Variants in RFWD3 observed in about 807,000 individuals in gnomAD.
The protein encoded by RFWD3 is ring finger and WD repeat domain 3.
A neutral mutation model predicts 87.7 loss-of-function variants in RFWD3; 65 were observed. The ratio of observed to expected loss-of-function variants is 0.74; its 90% CI spans 0.61 to 0.91. The LOEUF (loss-of-function observed/expected upper bound fraction) is 0.91. Among genes scored for constraint, RFWD3 ranks in the 40% least tolerant of loss-of-function variants. RFWD3 has a pLI of 0.00. For synonymous variants in RFWD3, 433 were observed against 352.8 expected, an observed-to-expected ratio of 1.23 and a Z score of -2.55; for missense variants, 1,078 against 938.5, an observed-to-expected ratio of 1.15 and a Z score of -1.94.
At chr16:74,661,543 G>C in intron 1 of RFWD3, 92 bp from the exon 2 acceptor site, 1 of 1,169,402 alleles carries the variant, frequency 8.6e-7, no homozygotes, top group South Asian at 1.5e-5. Context: ...CTGATTTTAT[G>C]TTTAATATCA....
In RFWD3 at chr16:74,639,941, TTACTA is replaced by T. The variant is rs138875235; in HGVS notation, c.1080-1976_1080-1972del. On this transcript the variant is annotated intron_variant, in intron 6 of 12. Transcript: ENST00000361070. ...GAGATGGAGACCACACTCACATAAC[TTACTA>T]TAGTATACTGGTATAATTGCTCTAT... 8.8e-3 allele frequency among the ~76,000 whole-genome samples: 1,336 copies of T among 152,260 alleles called. 7 individuals carry two copies. Among genetic ancestry groups the T allele is most frequent in the Middle Eastern group, 0.017 (5 of 294 alleles).
At chr16:74,652,143 C>T (rs372631663) in intron 2 of RFWD3, 21 bp from the exon 3 acceptor site, 17 of 1,602,818 alleles carry the variant, frequency 1.1e-5, no homozygotes, top group African/African-American at 5.4e-5. Flanking sequence ...AGAAAGACAA[C>T]GGAATTATAG....
In RFWD3 at chr16:74,636,396, A is replaced by C; in HGVS notation, c.1376T>G (p.Leu459Arg). ...AGGCTGTGATATCACCAGGCAGCTC[A>C]GAGCATCACAGTATGCCATGATCCG... Reference protein sequence around the residue: ...NCRIMAYCDALSCLVISQPSP... With the variant: ...NCRIMAYCDARSCLVISQPSP... The change falls in exon 8 of 13, where the codon CTG becomes CGG. Residue 459 changes from leucine (L) to arginine (R), a missense_variant. Physicochemically the swap from Leu to Arg is moderately radical, Grantham distance 102 (BLOSUM62 -2). Coordinates refer to ENST00000361070, the MANE Select transcript of RFWD3 (RefSeq NM_018124.4). The C allele has an allele frequency of 1.2e-6, 2 of 1,614,230 alleles. No homozygotes were observed. Among genetic ancestry groups the C allele is most frequent in the Non-Finnish European group, 1.7e-6 (2 of 1,180,038 alleles).
chr16:74,623,768 G>T lies in RFWD3; in HGVS notation c.*160C>A. 1 of 663,852 alleles carries T rather than the reference G, an allele frequency of 1.5e-6. No individual in the cohort carries two copies. 41.1% of individuals were successfully genotyped at this position (663,852 alleles called of 1,614,324 possible). On this transcript the variant is annotated 3_prime_UTR_variant, in exon 13 of 13. Coordinates refer to ENST00000361070, the MANE Select transcript of RFWD3 (RefSeq NM_018124.4). ...ACATAACAGATACACAATCTGTAGT[G>T]TCTCAGTGACCTAGGGTCCTAGAAT...
chr16:74,623,868 G>C lies in RFWD3; in HGVS notation c.*60C>G. On this transcript the variant is annotated 3_prime_UTR_variant, in exon 13 of 13. Coordinates refer to ENST00000361070, the MANE Select transcript of RFWD3 (RefSeq NM_018124.4). The stretch of plus-strand genomic sequence containing the variant: ...ATAAACAGGGATCTTGCTTGGGGCT[G>C]CTAGGCGCTAGCAAACAACATCTAA... 6.4e-7 allele frequency: 1 copy of C among 1,574,208 alleles called. No individual in the cohort carries two copies. Among genetic ancestry groups the C allele is most frequent in the Non-Finnish European group, 8.7e-7 (1 of 1,149,442 alleles).
chr16:74,630,715 C>A, intron 10 of RFWD3, 66 bp downstream of exon 10: 1 of 1,411,610 alleles, frequency 7.1e-7, no homozygotes, highest in Non-Finnish European at 9.5e-7. Context: ...ACTGAAGAGA[C>A]GATTAACACA....
chr16:74,627,110 T>C (rs1033012420), intron 11 of RFWD3, among the ~76,000 whole-genome samples: 10 of 152,162 alleles, frequency 6.6e-5, no homozygotes, highest in African/African-American at 1.7e-4. Flanking sequence ...TGTGGGATGA[T>C]GAAGAGCCAA....
chr16:74,656,525 C>A (rs1010680256), intron 2 of RFWD3, among the ~76,000 whole-genome samples: 4 of 151,816 alleles, frequency 2.6e-5, no homozygotes, highest in African/African-American at 9.7e-5. Context: ...CTCTGTCACC[C>A]AGGCTGGAGT....
At chr16:74,658,010 T>C (rs920203189) in intron 2 of RFWD3, among the ~76,000 whole-genome samples, 2 of 152,218 alleles carry the variant, frequency 1.3e-5, no homozygotes, top group African/African-American at 4.8e-5. Context: ...ATATTGCTTT[T>C]ATGTAGCAAA....
chr16:74,646,278 AG>A (rs765096630), intron 4 of RFWD3, among the ~76,000 whole-genome samples: 49 of 152,302 alleles, frequency 3.2e-4, no homozygotes, highest in Non-Finnish European at 6.3e-4. Flanking sequence ...CAGGAGGCTG[AG>A]GTAGAAGCAT....
intron 8 of RFWD3, among the ~76,000 whole-genome samples, chr16:74,635,919 T>A (rs1231157261): frequency 1.3e-5 from 2 of 152,244 alleles, no homozygotes; most frequent in African/African-American, 4.8e-5. Context: ...ATCAATTTAC[T>A]CCCTAAATTC....
At chr16:74,628,355 G>T in intron 11 of RFWD3, 97 bp downstream of exon 11, 3 of 1,156,220 alleles carry the variant, frequency 2.6e-6, no homozygotes, top group Non-Finnish European at 3.8e-6. Flanking sequence ...CCTGTGAGCG[G>T]TACCACAGCC....
intron 4 of RFWD3, among the ~76,000 whole-genome samples, chr16:74,647,500 C>T (rs1008006450): frequency 8.5e-5 from 13 of 152,270 alleles, no homozygotes; most frequent in Admixed American, 7.2e-4. Flanking sequence ...GTTGGCCAGG[C>T]TGGTCTCAAA....
intron 6 of RFWD3, among the ~76,000 whole-genome samples, chr16:74,642,248 G>A (rs560356347): frequency 2.6e-5 from 4 of 151,492 alleles, no homozygotes; most frequent in East Asian, 2.0e-4. Context: ...TCAGCCTCCC[G>A]AGTTGCTGGC....
intron 4 of RFWD3, among the ~76,000 whole-genome samples, chr16:74,647,802 G>A (rs1960270625): frequency 6.6e-6 from 1 of 152,178 alleles, no homozygotes; most frequent in African/African-American, 2.4e-5. Flanking sequence ...ATGTTGGCCA[G>A]GCTGGTCTTG....
In RFWD3 at chr16:74,644,663, T is replaced by C. The variant is rs376703465; in HGVS notation, c.865A>G (p.Ile289Val). The C allele has an allele frequency of 1.1e-5, 18 of 1,614,116 alleles. No individual in the cohort carries two copies. The highest frequency in any genetic ancestry group is 1.5e-5 in the Non-Finnish European group (18 of 1,180,050). The change falls in exon 5 of 13, where the codon ATA becomes GTA. Residue 289 changes from isoleucine (I) to valine (V), a missense_variant. Transcript: ENST00000361070. ...MDEEEGDTCT[I>V]CLEQWTNAGD... ...GCATTGGTCCACTGTTCCAGACATA[T>C]TGTACAAGTGTCCCCTTCTTCCTCA...
intron 11 of RFWD3, among the ~76,000 whole-genome samples, chr16:74,627,833 C>T (rs1005358595): frequency 6.6e-6 from 1 of 152,182 alleles, no homozygotes; most frequent in Admixed American, 6.5e-5. Context: ...GAGTTTATAG[C>T]CACTCTCCTG....
At chr16:74,657,271 A>G (rs944400675) in intron 2 of RFWD3, among the ~76,000 whole-genome samples, 1 of 152,222 alleles carries the variant, frequency 6.6e-6, no homozygotes, top group Non-Finnish European at 1.5e-5. Context: ...GGTGACAAGA[A>G]TAAGGAATGC....
Position 74,626,525 on chromosome 16 carries a change from G to C in RFWD3, c.1999C>G (p.Leu667Val), listed in dbSNP as rs764903046. 4 of 1,613,916 alleles carry C rather than the reference G, an allele frequency of 2.5e-6. No individual in the cohort carries two copies. The highest frequency in any genetic ancestry group is 3.4e-6 in the Non-Finnish European group (4 of 1,179,908). The part of the protein sequence containing the change: ...DKNHTTIRSV[L>V]MEMSYRLDDT... ...TCCAGTCGGTAGGACATTTCCATCAGCACACTTCGTATGGTGGTGTGATTT... is the reference window on the plus strand; with the variant it reads ...TCCAGTCGGTAGGACATTTCCATCACCACACTTCGTATGGTGGTGTGATTT... The change falls in exon 12 of 13, where the codon CTG (leucine) becomes GTG (valine). Residue 667 changes from leucine (L) to valine (V), a missense_variant. Coordinates refer to ENST00000361070, the MANE Select transcript of RFWD3 (RefSeq NM_018124.4).
Sources: allele counts gnomAD v4.1 joint callset (sites outside exome capture counted in the v4.1 genomes callset), GRCh38; gene constraint gnomAD v4.1.1; transcripts MANE v1.5; gene names NCBI Gene and HGNC (gene_info 2026-07-23, HGNC 2026-07-21).